MCTP2: variants seen among roughly 807,000 people sequenced by gnomAD.
The protein encoded by MCTP2 is multiple C2 and transmembrane domain-containing protein 2.
MCTP2 carries 132 observed loss-of-function variants against 111.6 expected under a neutral mutation model. The ratio of observed to expected loss-of-function variants is 1.18; its 90% CI spans 1.03 to 1.37. The LOEUF is 1.37. MCTP2 is among the 40% of genes most tolerant of loss of function. The pLI, the probability that MCTP2 is intolerant of heterozygous loss-of-function variation, is 0.00. For missense variants in MCTP2, 1,183 were observed against 1,067.9 expected (o/e 1.11, Z -1.50); for synonymous variants, 395 against 387.7 (o/e 1.02, Z -0.22).
chr15:94,370,325 G>A, intron 12 of MCTP2, 145 bp downstream of exon 12: 2 of 549,212 alleles, frequency 3.6e-6, no homozygotes, highest in Non-Finnish European at 6.2e-6. Context: ...AAAAGAGGCA[G>A]ACTTGAGCAA....
At chr15:94,365,183 G>C (rs983999386) in intron 10 of MCTP2, among the ~76,000 whole-genome samples, 2 of 152,176 alleles carry the variant, frequency 1.3e-5, no homozygotes, top group African/African-American at 2.4e-5. Flanking sequence ...TAATATATCA[G>C]TTTAACTTGT....
At chr15:94,282,769 T>G (rs2074554333) in intron 1 of MCTP2, among the ~76,000 whole-genome samples, 1 of 152,208 alleles carries the variant, frequency 6.6e-6, no homozygotes, top group Non-Finnish European at 1.5e-5. Context: ...CAAATTAGGT[T>G]TAGCCAACTG....
At chr15:94,233,545 G>A (rs747463226) in intron 1 of MCTP2, among the ~76,000 whole-genome samples, 30 of 152,036 alleles carry the variant, frequency 2.0e-4, no homozygotes, top group Non-Finnish European at 3.4e-4. Flanking sequence ...AAGATGATTA[G>A]CGGTCTCTTG....
At chr15:94,336,174 T>C (rs1189675483) in intron 4 of MCTP2, among the ~76,000 whole-genome samples, 2 of 152,206 alleles carry the variant, frequency 1.3e-5, no homozygotes, top group Admixed American at 1.3e-4. Context: ...CACACCGCTC[T>C]AGTCATTTTG....
intron 1 of MCTP2, among the ~76,000 whole-genome samples, chr15:94,245,502 A>T (rs182656459): frequency 7.1e-6 from 1 of 140,730 alleles, no homozygotes; most frequent in African/African-American, 2.6e-5. Flanking sequence ...ATGTATTTAT[A>T]TATGTATACA....
At chr15:94,453,352 T>A (rs2084590452) in intron 19 of MCTP2, among the ~76,000 whole-genome samples, 1 of 152,194 alleles carries the variant, frequency 6.6e-6, no homozygotes, top group Non-Finnish European at 1.5e-5. Flanking sequence ...AGCTTCTGCA[T>A]GGTCCATAAT....
intron 2 of MCTP2, 134 bp downstream of exon 2, chr15:94,298,864 C>T (rs2075420018): frequency 2.5e-6 from 1 of 396,068 alleles, no homozygotes; most frequent in South Asian, 3.2e-5. Context: ...CCCCCTCCCT[C>T]TCTCTCTCCC....
chr15:94,305,533 G>T (rs1325401634), intron 2 of MCTP2, among the ~76,000 whole-genome samples: 2 of 152,170 alleles, frequency 1.3e-5, no homozygotes, highest in Admixed American at 6.5e-5. Context: ...TTTTATAGGT[G>T]TGTGTGTATA....
rs538305035 is a variant in MCTP2, at chr15:94,236,739, C to T, written c.-66+5075C>T. On this transcript the variant is annotated intron_variant, in intron 1 of 22. Coordinates refer to ENST00000357742, the MANE Select transcript of MCTP2 (RefSeq NM_001385001.1). Reference sequence around the variant, plus strand: ...CAAAACAGACATGATCCCCATGGACCGGAATAGAAGTCCTTGTAGTGCAAT... The same window carrying T: ...CAAAACAGACATGATCCCCATGGACTGGAATAGAAGTCCTTGTAGTGCAAT... 3.9e-5 allele frequency among the ~76,000 whole-genome samples: 6 copies of T among 152,182 alleles called. No homozygotes were observed. In the South Asian group the frequency reaches 6.2e-4, roughly 16 times the overall value.
chr15:94,474,301 TG>T (rs911636884), intron 21 of MCTP2, among the ~76,000 whole-genome samples: 6 of 152,212 alleles, frequency 3.9e-5, no homozygotes, highest in African/African-American at 1.4e-4. Flanking sequence ...TTAGCTTGTT[TG>T]CATGTACAGT....
At position 94,375,051 on chromosome 15, in the gene MCTP2, C is replaced by A. The variant is rs117797819; in HGVS notation, c.1582+4871C>A. On this transcript the variant is annotated intron_variant, in intron 12 of 22. Coordinates refer to ENST00000357742, the MANE Select transcript of MCTP2 (RefSeq NM_001385001.1). ...TTAATTGGCTCATGGTTCTGCAGGC[C>A]GTACAAGAAGCATGACAGCTTCTGC... Among the ~76,000 whole-genome samples, 244 of 152,164 alleles carry A rather than the reference C, an allele frequency of 1.6e-3. 4 individuals are homozygous for A. The East Asian group carries it at 0.042, about 26-fold the overall frequency.
At chr15:94,423,223 CATG>C (rs1183652421) in intron 17 of MCTP2, among the ~76,000 whole-genome samples, 1 of 152,300 alleles carries the variant, frequency 6.6e-6, no homozygotes, top group East Asian at 1.9e-4. Context: ...TTTATAAAAA[CATG>C]ATGGCAGCCA....
At chr15:94,376,799 G>C (rs1326287291) in intron 12 of MCTP2, among the ~76,000 whole-genome samples, 1 of 151,952 alleles carries the variant, frequency 6.6e-6, no homozygotes, top group African/African-American at 2.4e-5. Context: ...TAAAAAGAAG[G>C]CAAAAAAATA....
At chr15:94,374,872 G>A (rs551340209) in intron 12 of MCTP2, among the ~76,000 whole-genome samples, 1 of 152,296 alleles carries the variant, frequency 6.6e-6, no homozygotes, top group South Asian at 2.1e-4. Context: ...GCCTAGCTCG[G>A]TGGGGGAGGA....
intron 1 of MCTP2, among the ~76,000 whole-genome samples, chr15:94,275,441 A>G (rs1359964120): frequency 2.0e-5 from 3 of 152,320 alleles, no homozygotes; most frequent in African/African-American, 7.2e-5. Flanking sequence ...TTACTTTTAT[A>G]TGCTAGTAAT....
chr15:94,291,225 A>G (rs1017456472), intron 1 of MCTP2, among the ~76,000 whole-genome samples: 2 of 152,244 alleles, frequency 1.3e-5, no homozygotes, highest in African/African-American at 2.4e-5. Context: ...AGATAGATAG[A>G]AAAATCTTCA....
Position 94,443,042 on chromosome 15 carries a change from CCT to C in MCTP2, c.2250+87_2250+88del, listed in dbSNP as rs113004396. 165 of 996,850 alleles carry C rather than the reference CCT, an allele frequency of 1.7e-4. No individual in the cohort carries two copies. The African/African-American group carries it at 2.2e-3, about 13-fold the overall frequency. 61.8% of individuals were successfully genotyped at this position (996,850 alleles called of 1,614,324 possible). The stretch of plus-strand genomic sequence containing the variant: ...GCATTCCTTCAGGTTGAGTCTCTCT[CCT>C]CTCTTTTTTTTTTTTTTTTTAATAT... On this transcript the variant is annotated intron_variant, in intron 19 of 22. Coordinates refer to ENST00000357742, the MANE Select transcript of MCTP2 (RefSeq NM_001385001.1).
chr15:94,418,221 A>G (rs1218541618), intron 17 of MCTP2, among the ~76,000 whole-genome samples: 2 of 152,162 alleles, frequency 1.3e-5, no homozygotes, highest in African/African-American at 2.4e-5. Flanking sequence ...TTGTCCACTT[A>G]CAGTCCAATT....
At chr15:94,403,661 G>T (rs2081726239) in intron 17 of MCTP2, among the ~76,000 whole-genome samples, 1 of 152,180 alleles carries the variant, frequency 6.6e-6, no homozygotes, top group Admixed American at 6.5e-5. Flanking sequence ...TAATAGAGGG[G>T]ACTTCTAAAC....
Sources: allele counts gnomAD v4.1 joint callset (sites outside exome capture counted in the v4.1 genomes callset), GRCh38; gene constraint gnomAD v4.1.1; transcripts MANE v1.5; gene names NCBI Gene and HGNC (gene_info 2026-07-23, HGNC 2026-07-21).